RFFL: variants seen among roughly 807,000 people sequenced by gnomAD.
The protein encoded by RFFL is E3 ubiquitin-protein ligase rififylin.
A neutral mutation model predicts 40.4 loss-of-function variants in RFFL; 16 were observed. That is an observed-to-expected ratio of 0.40 (90% CI 0.27 to 0.60). The LOEUF is 0.60. Ranked by LOEUF, RFFL falls within the 20% of genes least tolerant of loss-of-function variation. RFFL has a pLI of 0.47. For synonymous variants in RFFL, 154 were observed against 167.9 expected, an observed-to-expected ratio of 0.92 and a Z score of 0.64; for missense variants, 367 against 451.7, an observed-to-expected ratio of 0.81 and a Z score of 1.70.
rs1250946515 is a variant in RFFL, at chr17:35,029,665, C to T, written c.-8-3104G>A. On this transcript the variant is annotated intron_variant, in intron 1 of 6. Coordinates refer to ENST00000394597, the MANE Select transcript of RFFL (RefSeq NM_001017368.2). ...CCTCCCAAGTAGCTGGGACTACAGG[C>T]GCCCACCACACCTGGCTAATTTTTT... Among the ~76,000 whole-genome samples, 4 of 151,488 alleles carry T rather than the reference C, an allele frequency of 2.6e-5. 1 individual carries two copies. The highest frequency in any genetic ancestry group is 9.7e-5 in the African/African-American group (4 of 41,048).
chr17:35,018,671 A>G (rs1597813257), intron 3 of RFFL: 1 of 152,274 alleles, frequency 6.6e-6, no homozygotes, highest in Non-Finnish European at 1.5e-5. Context: ...AAGAAGAGGC[A>G]ACCAACTGCA....
In RFFL at chr17:35,006,222, C is replaced by T. The variant is rs1450689749; in HGVS notation, c.*5746G>A. ...AGCAGTGGAAATATCCATAAATCTGCAGTATCCAACCAAACTAGCCACAGA... is the reference window on the plus strand; with the variant it reads ...AGCAGTGGAAATATCCATAAATCTGTAGTATCCAACCAAACTAGCCACAGA... On this transcript the variant is annotated 3_prime_UTR_variant, in exon 7 of 7. Transcript: ENST00000394597. The T allele has an allele frequency of 1.9e-5, 3 of 155,286 alleles. No individual in the cohort carries two copies. The highest frequency in any genetic ancestry group is 4.8e-5 in the African/African-American group (2 of 41,446). 9.6% of individuals were successfully genotyped at this position (155,286 alleles called of 1,614,324 possible).
rs943284725 is a variant in RFFL, at chr17:35,010,147, T to C, written c.*1821A>G. On this transcript the variant is annotated 3_prime_UTR_variant, in exon 7 of 7. Transcript: ENST00000394597. The stretch of plus-strand genomic sequence containing the variant: ...TTGGTGATGGAAGAAAGCATAAATA[T>C]GTCTGTACCAATGTAATAAGTCCCT... 1 of 152,254 alleles carries C rather than the reference T, an allele frequency of 6.6e-6. No individual in the cohort carries two copies. Among genetic ancestry groups the C allele is most frequent in the African/African-American group, 2.4e-5 (1 of 41,456 alleles). 9.4% of individuals were successfully genotyped at this position (152,254 alleles called of 1,614,324 possible).
chr17:35,015,621 AACC>A (rs1341617516), intron 5 of RFFL, among the ~76,000 whole-genome samples: 1 of 152,206 alleles, frequency 6.6e-6, no homozygotes, highest in Non-Finnish European at 1.5e-5. Flanking sequence ...ACCTGACTTC[AACC>A]ACTCTTACCA....
chr17:35,051,702 A>G (rs2091232748), intron 1 of RFFL, among the ~76,000 whole-genome samples: 2 of 152,230 alleles, frequency 1.3e-5, no homozygotes, highest in Non-Finnish European at 2.9e-5. Flanking sequence ...AAGAGCAAGA[A>G]AAATTGAAAA....
intron 1 of RFFL, among the ~76,000 whole-genome samples, chr17:35,045,414 A>C (rs1280592982): frequency 6.6e-6 from 1 of 151,586 alleles, no homozygotes; most frequent in Non-Finnish European, 1.5e-5. Flanking sequence ...TTGTATTTTT[A>C]GTAGAGATGG....
chr17:35,051,673 G>T (rs1389814272), intron 1 of RFFL, among the ~76,000 whole-genome samples: 1 of 152,136 alleles, frequency 6.6e-6, no homozygotes, highest in African/African-American at 2.4e-5. Flanking sequence ...ACAAAACTTC[G>T]AATATGAGGG....
chr17:35,058,696 G>A (rs1407503870), intron 1 of RFFL, among the ~76,000 whole-genome samples: 3 of 152,116 alleles, frequency 2.0e-5, no homozygotes, highest in Non-Finnish European at 2.9e-5. Context: ...ACTTGAACCC[G>A]GGAGGCAAAG....
At chr17:35,071,323 A>T (rs533489277) in intron 1 of RFFL, among the ~76,000 whole-genome samples, 4 of 131,644 alleles carry the variant, frequency 3.0e-5, no homozygotes, top group Admixed American at 3.0e-4. Context: ...CTGGAAAAGA[A>T]TTTAGCAATT....
At chr17:35,073,788 C>T (rs899829839) in intron 1 of RFFL, 3 of 151,508 alleles carry the variant, frequency 2.0e-5, no homozygotes, top group Non-Finnish European at 3.0e-5. Flanking sequence ...CACGCACACA[C>T]ACACACACAC....
At chr17:35,055,954 G>A (rs749392794) in intron 1 of RFFL, among the ~76,000 whole-genome samples, 10 of 151,732 alleles carry the variant, frequency 6.6e-5, no homozygotes, top group East Asian at 1.9e-4. Flanking sequence ...TTTCATCTCC[G>A]GGTCCCATTA....
intron 1 of RFFL, among the ~76,000 whole-genome samples, chr17:35,058,186 A>G (rs984156803): frequency 1.3e-5 from 2 of 152,022 alleles, no homozygotes; most frequent in African/African-American, 2.4e-5. Flanking sequence ...CTCAATGTAC[A>G]TATCATCTTG....
chr17:35,027,413 G>A lies in RFFL; in HGVS notation c.-8-852C>T, dbSNP rs549277424. The stretch of plus-strand genomic sequence containing the variant: ...ATATTTGCTTCCTTACTGAATCAGA[G>A]CCTCTGTAGGTTTATTAAGAAGTGT... On this transcript the variant is annotated intron_variant, in intron 1 of 6. Transcript: ENST00000394597. 3.0e-4 allele frequency among the ~76,000 whole-genome samples: 46 copies of A among 152,276 alleles called. 1 individual carries two copies. In the South Asian group the frequency reaches 9.3e-3, roughly 31 times the overall value.
chr17:35,080,341 T>G (rs1008257823), intron 1 of RFFL, among the ~76,000 whole-genome samples: 1 of 152,154 alleles, frequency 6.6e-6, no homozygotes, highest in African/African-American at 2.4e-5. Context: ...ATTTTAATCA[T>G]TATGAAGGTA....
intron 1 of RFFL, among the ~76,000 whole-genome samples, chr17:35,039,500 G>A (rs576896934): frequency 2.4e-3 from 367 of 152,214 alleles, no homozygotes; most frequent in Non-Finnish European, 4.1e-3. Flanking sequence ...TTATAGGCAT[G>A]AGCCACAACG....
At chr17:35,049,213 T>C (rs149646844) in intron 1 of RFFL, among the ~76,000 whole-genome samples, 68 of 152,258 alleles carry the variant, frequency 4.5e-4, no homozygotes, top group Non-Finnish European at 6.8e-4. Context: ...CCATCCACAC[T>C]GAGATATGCT....
Position 35,011,754 on chromosome 17 carries a change from T to C in RFFL, c.*214A>G. ...GAACCAAGAACATACCCATGTGATT[T>C]ATACAAGTTCCCACTGGCCTTGGGC... On this transcript the variant is annotated 3_prime_UTR_variant, in exon 7 of 7. Transcript: ENST00000394597. The C allele has an allele frequency of 1.8e-6, 1 of 565,418 alleles. No individual in the cohort carries two copies. Among genetic ancestry groups the C allele is most frequent in the Non-Finnish European group, 3.2e-6 (1 of 315,112 alleles). The allele number at this position is 565,418 out of a possible 1,614,324, so 35.0% of individuals were successfully genotyped here.
At chr17:35,067,528 G>A (rs1053790456), upstream of RFFL, among the ~76,000 whole-genome samples, 13 of 141,584 alleles carry the variant, frequency 9.2e-5, no homozygotes, top group African/African-American at 2.7e-4. Flanking sequence ...ACAATTTCTC[G>A]GCTCACTGCA....
chr17:35,043,651 T>C (rs1401802047), intron 1 of RFFL, among the ~76,000 whole-genome samples: 1 of 152,150 alleles, frequency 6.6e-6, no homozygotes, highest in Non-Finnish European at 1.5e-5. Context: ...CGGGGAAAAT[T>C]GGGGGAGTTA....
Sources: allele counts gnomAD v4.1 joint callset (sites outside exome capture counted in the v4.1 genomes callset), GRCh38; gene constraint gnomAD v4.1.1; transcripts MANE v1.5; gene names NCBI Gene and HGNC (gene_info 2026-07-23, HGNC 2026-07-21).